Variants in CKAP2L observed in about 807,000 individuals in gnomAD.
CKAP2L encodes cytoskeleton associated protein 2L.
CKAP2L carries 42 observed loss-of-function variants against 65.7 expected under a neutral mutation model. The observed-to-expected ratio is 0.64, with a 90% CI of 0.50 to 0.83. The LOEUF (loss-of-function observed/expected upper bound fraction) is 0.83, where lower values mean the gene tolerates loss of function less well. Among genes scored for constraint, CKAP2L ranks in the 40% least tolerant of loss-of-function variants. The pLI is 0.00. For synonymous variants in CKAP2L, 325 were observed against 313.5 expected (o/e 1.04, Z -0.39); for missense variants, 908 against 871.0 (o/e 1.04, Z -0.53).
chr2:112,762,589 A>T lies in CKAP2L; in HGVS notation c.38-20T>A. 5 of 1,596,770 alleles carry T rather than the reference A, an allele frequency of 3.1e-6. No homozygotes were observed. Among genetic ancestry groups the T allele is most frequent in the Non-Finnish European group, 4.3e-6 (5 of 1,164,120 alleles). On this transcript the variant is annotated intron_variant, in intron 1 of 8. Transcript: ENST00000302450. ...GCTCTTCTGCAACACAGGCAAGCAA[A>T]CAAACGACATAACTTTAGTTCAAGA...
At position 112,738,691 on chromosome 2, in the gene CKAP2L, G is replaced by A. The variant is rs1679572586; in HGVS notation, c.*132C>T. The A allele has an allele frequency of 6.2e-6, 4 of 640,594 alleles. No homozygotes were observed. Among genetic ancestry groups the A allele is most frequent in the Middle Eastern group, 4.2e-4 (1 of 2,406 alleles). 39.7% of individuals were successfully genotyped at this position (640,594 alleles called of 1,614,324 possible). A position where few individuals can be genotyped will look rare whatever the true frequency, so the allele number is the denominator to read the frequency against. On this transcript the variant is annotated 3_prime_UTR_variant, in exon 9 of 9. Coordinates refer to ENST00000302450, the MANE Select transcript of CKAP2L (RefSeq NM_152515.5). Reference sequence around the variant, plus strand: ...GAGAAAATTTGAGAGTAAGCCCAGTGAATTACTTAAGTCCTGAGCGTCCAT... The same window carrying A: ...GAGAAAATTTGAGAGTAAGCCCAGTAAATTACTTAAGTCCTGAGCGTCCAT...
rs1680527295 is a variant in CKAP2L, at chr2:112,756,197, T to G, written c.1174A>C (p.Ser392Arg). ...TVGRFNSAIP[S>R]TPSIRPNGTS... ...CCATTTGGTCTTATGCTAGGGGTGCTTGGAATGGCTGAATTAAATCTGCCA... is the reference window on the plus strand; with the variant it reads ...CCATTTGGTCTTATGCTAGGGGTGCGTGGAATGGCTGAATTAAATCTGCCA... Residue 392 changes from serine to arginine, a missense_variant, in exon 4 of 9, where the codon AGC becomes CGC. Transcript: ENST00000302450. The G allele has an allele frequency of 1.2e-6, 2 of 1,614,088 alleles. No homozygotes were observed. Among genetic ancestry groups the G allele is most frequent in the Non-Finnish European group, 1.7e-6 (2 of 1,180,030 alleles).
In CKAP2L at chr2:112,752,457, C is replaced by A; in HGVS notation, c.1412G>T (p.Trp471Leu). Residue 471 changes from tryptophan (W) to leucine (L), a missense_variant, in exon 5 of 9, where the codon TGG becomes TTG. Physicochemically the swap from Trp to Leu is moderately conservative, Grantham distance 61. Transcript: ENST00000302450. ...ATAGGTTTTTCCCTTAGATTTCTGC[C>A]ATTCTTCTAGTTGTTTCCTGAAATT... ...AEDRRKQLEE[W>L]QKSKGKTYKR... The A allele has an allele frequency of 6.2e-7, 1 of 1,605,706 alleles. No individual in the cohort carries two copies. Among genetic ancestry groups the A allele is most frequent in the Non-Finnish European group, 8.5e-7 (1 of 1,175,992 alleles).
At chr2:112,759,631 A>G (rs1398413288) in intron 3 of CKAP2L, among the ~76,000 whole-genome samples, 1 of 152,182 alleles carries the variant, frequency 6.6e-6, no homozygotes, top group Non-Finnish European at 1.5e-5. Context: ...TACTGGTTCA[A>G]TCTGCATAAA....
At chr2:112,753,526 CTTTTT>C (rs59027525) in intron 4 of CKAP2L, among the ~76,000 whole-genome samples, 16 of 100,394 alleles carry the variant, frequency 1.6e-4, no homozygotes, top group Admixed American at 6.2e-4. Context: ...AGTTTCTTTT[CTTTTT>C]TTTTTTTTTT....
At chr2:112,747,634 C>T (rs916667209) in intron 5 of CKAP2L, among the ~76,000 whole-genome samples, 3 of 152,122 alleles carry the variant, frequency 2.0e-5, no homozygotes, top group Non-Finnish European at 2.9e-5. Context: ...ATGGACCCAA[C>T]GAATGGGGAG....
rs750065532 is a variant in CKAP2L at position 112,740,983 on chromosome 2, G to C, written c.1847C>G (p.Ala616Gly). 6.2e-7 allele frequency: 1 copy of C among 1,612,818 alleles called. No homozygotes were observed. Among genetic ancestry groups the C allele is most frequent in the South Asian group, 1.1e-5 (1 of 91,030 alleles). The change falls in exon 8 of 9, where the codon GCT (alanine) becomes GGT (glycine). Residue 616 changes from alanine (A) to glycine (G), a missense_variant. Transcript: ENST00000302450. Reference sequence around the variant, plus strand: ...TTCCACTGATGTTATACTAGTTTCAGCAACTAAAGAGTCAGAAGTAATCCC... The same window carrying C: ...TTCCACTGATGTTATACTAGTTTCACCAACTAAAGAGTCAGAAGTAATCCC... ...TEGITSDSLV[A>G]ETSITSVEEL...
chr2:112,739,961 A>AT (rs905489088), intron 8 of CKAP2L, among the ~76,000 whole-genome samples: 9 of 146,428 alleles, frequency 6.1e-5, no homozygotes, highest in Non-Finnish European at 9.1e-5. Context: ...CAGCCTTTTC[A>AT]TTTTTTTTTT....
At chr2:112,754,149 T>C (rs1489011168) in intron 4 of CKAP2L, among the ~76,000 whole-genome samples, 7 of 152,306 alleles carry the variant, frequency 4.6e-5, no homozygotes, top group South Asian at 2.1e-4. Flanking sequence ...TATAAGATGG[T>C]TGCAACACTA....
chr2:112,750,477 A>G (rs572849916), intron 5 of CKAP2L, among the ~76,000 whole-genome samples: 1 of 152,232 alleles, frequency 6.6e-6, no homozygotes, highest in African/African-American at 2.4e-5. Flanking sequence ...TGTGACCTAC[A>G]CTGTCTCCAG....
intron 1 of CKAP2L, chr2:112,763,824 C>CCGTG (rs1211087205): frequency 6.6e-6 from 1 of 152,280 alleles, no homozygotes; most frequent in Non-Finnish European, 1.5e-5. Flanking sequence ...AGTCCCACCT[C>CCGTG]CGTGACTTCT....
In CKAP2L at chr2:112,756,213, A is replaced by G; in HGVS notation, c.1158T>C (p.Phe386=). 1 of 1,614,224 alleles carries G rather than the reference A, an allele frequency of 6.2e-7. No individual in the cohort carries two copies. The highest frequency in any genetic ancestry group is 8.5e-7 in the Non-Finnish European group (1 of 1,180,038). Residue 386 remains phenylalanine (F), a synonymous_variant, in exon 4 of 9, where the codon TTT becomes TTC. Coordinates refer to ENST00000302450, the MANE Select transcript of CKAP2L (RefSeq NM_152515.5). ...TAGGGGTGCTTGGAATGGCTGAATT[A>G]AATCTGCCAACTGTCAAATTAGGCC... is the stretch of plus-strand genomic sequence containing the variant. ...SQRPNLTVGR[F]NSAIPSTPSI... is the part of the protein sequence containing the mutation.
Position 112,742,761 on chromosome 2 carries a change from T to A in CKAP2L, c.1767A>T (p.Gln589His). 1 of 1,608,082 alleles carries A rather than the reference T, an allele frequency of 6.2e-7. No individual in the cohort carries two copies. Among genetic ancestry groups the A allele is most frequent in the Non-Finnish European group, 8.5e-7 (1 of 1,176,968 alleles). Residue 589 changes from glutamine to histidine, a missense_variant, in exon 7 of 9, where the codon CAA becomes CAT. By Grantham distance (24) the Gln-to-His change is conservative. Transcript: ENST00000302450. ...TATTAAGAACAACTTTCCGCAACTC[T>A]TGTATTGGCTGGAAGGAAGGAAGAA... The part of the protein sequence containing the change: ...EAIKNGATPI[Q>H]ELRKVVLNIL...
chr2:112,758,030 T>C (rs1680597740), intron 3 of CKAP2L, among the ~76,000 whole-genome samples: 2 of 152,200 alleles, frequency 1.3e-5, no homozygotes, highest in Admixed American at 1.3e-4. Context: ...GACAAGGAGA[T>C]AGGTGGCAGA....
Position 112,756,373 on chromosome 2 carries a change from G to C in CKAP2L, c.998C>G (p.Pro333Arg), listed in dbSNP as rs762555129. The change falls in exon 4 of 9, where the codon CCC becomes CGC. Residue 333 changes from proline (P) to arginine (R), a missense_variant. By Grantham distance (103) the Pro-to-Arg change is moderately radical. Transcript: ENST00000302450. The part of the protein sequence containing the change: ...VTEQRVKHTK[P>R]RTYPSLLQGE... ...CTGAAGCAAACTGGGGTATGTTCTG[G>C]GTTTGGTGTGCTTCACTCTCTGTTC... 4 of 1,613,702 alleles carry C rather than the reference G, an allele frequency of 2.5e-6. No homozygotes were observed. The African/African-American group carries it at 5.3e-5, about 22-fold the overall frequency.
At position 112,764,589 on chromosome 2, in the gene CKAP2L, G is replaced by A. The variant is rs143626181; in HGVS notation, c.10C>T (p.Pro4Ser). Residue 4 changes from proline to serine, a missense_variant, in exon 1 of 9, where the codon CCC (proline) becomes TCC (serine). Physicochemically the swap from Pro to Ser is moderately conservative, Grantham distance 74. Coordinates refer to ENST00000302450, the MANE Select transcript of CKAP2L (RefSeq NM_152515.5). ...ACAGCGGCAGCAGCGGTAGGCCCGG[G>A]CCCCACCATGACTCTTCAGTGACAG... MVG[P>S]GPTAAAAVEE... 1.0e-4 allele frequency: 165 copies of A among 1,614,054 alleles called. 1 individual carries two copies. Among genetic ancestry groups the A allele is most frequent in the Non-Finnish European group, 1.3e-4 (157 of 1,180,024 alleles).
At chr2:112,753,673 G>A (rs531451381) in intron 4 of CKAP2L, among the ~76,000 whole-genome samples, 39 of 151,794 alleles carry the variant, frequency 2.6e-4, no homozygotes, top group African/African-American at 6.5e-4. Context: ...AATTACAGGC[G>A]CGTGCCACCA....
At chr2:112,741,112 C>T in intron 7 of CKAP2L, 105 bp from the exon 8 acceptor site, 1 of 755,802 alleles carries the variant, frequency 1.3e-6, no homozygotes, top group Non-Finnish European at 2.2e-6. Flanking sequence ...TCCCAGTGAT[C>T]TTCATGGGCT....
At chr2:112,752,234 C>G in intron 5 of CKAP2L, 33 bp downstream of exon 5, 2 of 1,515,296 alleles carry the variant, frequency 1.3e-6, no homozygotes, top group Non-Finnish European at 1.8e-6. Context: ...AGACTTTGGG[C>G]CAAAGCTGGA....
Sources: allele counts gnomAD v4.1 joint callset (sites outside exome capture counted in the v4.1 genomes callset), GRCh38; gene constraint gnomAD v4.1.1; transcripts MANE v1.5; gene names NCBI Gene and HGNC (gene_info 2026-07-23, HGNC 2026-07-21).